Variants in GABRA3 observed in about 807,000 individuals in gnomAD.
GABRA3 encodes the protein gamma-aminobutyric acid receptor subunit alpha-3.
Under a neutral mutation model 30.1 loss-of-function variants are expected in GABRA3, and 10 were observed. The observed-to-expected ratio is 0.33, with a 90% confidence interval of 0.20 to 0.56. GABRA3 has a LOEUF of 0.56. Ranked by LOEUF, GABRA3 falls within the 20% of genes least tolerant of loss-of-function variation. GABRA3 has a pLI of 0.89. For missense variants in GABRA3, 233 were observed against 392.0 expected (o/e 0.59, Z 3.42); for synonymous variants, 151 against 146.8 (o/e 1.03, Z -0.21).
intron 9 of GABRA3, among the ~76,000 whole-genome samples, chrX:152,185,331 A>G (rs1161841535): frequency 9.0e-6 from 1 of 111,503 alleles, no homozygotes; most frequent in Non-Finnish European, 1.9e-5. Context: ...GAGACTAAAG[A>G]GGAAGACTGA....
At chrX:152,348,222 G>A (rs1940420737) in intron 2 of GABRA3, among the ~76,000 whole-genome samples, 1 of 110,512 alleles carries the variant, frequency 9.0e-6, no homozygotes, top group Admixed American at 9.7e-5. Flanking sequence ...AGGTAGTTTG[G>A]GGAAAAAAGG....
intron 3 of GABRA3, among the ~76,000 whole-genome samples, chrX:152,298,342 T>C (rs964919926): frequency 1.8e-5 from 2 of 110,258 alleles, no homozygotes; most frequent in African/African-American, 6.7e-5. Context: ...GTCATTTACA[T>C]TAGGTATATC....
At chrX:152,439,848 C>A (rs1343367154) in intron 1 of GABRA3, among the ~76,000 whole-genome samples, 1 of 111,885 alleles carries the variant, frequency 8.9e-6, no homozygotes, top group African/African-American at 3.2e-5. Flanking sequence ...CCAAATGTTT[C>A]CATTGATGTG....
chrX:152,182,903 T>C (rs975303371), intron 9 of GABRA3, among the ~76,000 whole-genome samples: 2 of 99,878 alleles, frequency 2.0e-5, no homozygotes, highest in African/African-American at 3.6e-5. Context: ...TGTATACATA[T>C]ATACTTTAAG....
rs140627770 is a variant in GABRA3, at chrX:152,183,345, A to T, written c.1143+6385T>A. ...TTCTAGATTATCAGTTTGTTGGCAT[A>T]CAATTGTTTATAGTAATCTGTTATG... is the stretch of plus-strand genomic sequence containing the variant. On this transcript the variant is annotated intron_variant, in intron 9 of 9. Transcript: ENST00000370314. 1.7e-3 allele frequency among the ~76,000 whole-genome samples: 193 copies of T among 110,891 alleles called. 1 individual carries two copies. The East Asian group carries it at 0.023, about 13-fold the overall frequency.
intron 3 of GABRA3, among the ~76,000 whole-genome samples, chrX:152,330,407 T>G (rs1489913029): frequency 8.9e-6 from 1 of 112,158 alleles, no homozygotes; most frequent in East Asian, 2.8e-4. Context: ...TACATATGTT[T>G]ATTGTGGCAC....
chrX:152,272,345 C>G (rs1938958315), intron 4 of GABRA3, among the ~76,000 whole-genome samples: 1 of 112,524 alleles, frequency 8.9e-6, no homozygotes, highest in Non-Finnish European at 1.9e-5. Context: ...CATTTTGGAA[C>G]TTGAAGATTT....
chrX:152,186,629 C>CT (rs1387975799), intron 9 of GABRA3, among the ~76,000 whole-genome samples: 4 of 103,278 alleles, frequency 3.9e-5, no homozygotes, highest in African/African-American at 1.1e-4. Context: ...TCTCTCTCTT[C>CT]TTTTTTTTAT....
At chrX:152,227,382 T>TC in intron 5 of GABRA3, among the ~76,000 whole-genome samples, 1 of 38,070 alleles carries the variant, frequency 2.6e-5, no homozygotes, top group African/African-American at 1.1e-4. Context: ...GGGACTGTTG[T>TC]GGGGTGGGGG....
At chrX:152,178,122 A>G (rs1024443748) in intron 9 of GABRA3, among the ~76,000 whole-genome samples, 1 of 111,687 alleles carries the variant, frequency 9.0e-6, no homozygotes, top group Non-Finnish European at 1.9e-5. Flanking sequence ...CTCTGTCTGT[A>G]TATGTGTGTA....
chrX:152,313,150 A>C (rs1469985393), intron 3 of GABRA3, among the ~76,000 whole-genome samples: 2 of 112,114 alleles, frequency 1.8e-5, no homozygotes, highest in African/African-American at 6.5e-5. Context: ...AATTCTGAAA[A>C]AAATATGGAT....
intron 3 of GABRA3, among the ~76,000 whole-genome samples, chrX:152,335,251 A>G (rs1940217008): frequency 9.0e-6 from 1 of 111,575 alleles, no homozygotes; most frequent in Non-Finnish European, 1.9e-5. Flanking sequence ...GTCGTTCCTC[A>G]GAGAAAAGTG....
At chrX:152,236,550 G>C (rs1213222218) in intron 5 of GABRA3, among the ~76,000 whole-genome samples, 1 of 97,883 alleles carries the variant, frequency 1.0e-5, no homozygotes, top group Non-Finnish European at 2.1e-5. Flanking sequence ...TCCAGTTCTA[G>C]ATCCCTGAGG....
chrX:152,208,320 A>C (rs1039747081), intron 6 of GABRA3, among the ~76,000 whole-genome samples, 176 bp from the exon 7 acceptor site: 1 of 112,268 alleles, frequency 8.9e-6, no homozygotes, highest in Non-Finnish European at 1.9e-5. Flanking sequence ...TCCATACAAT[A>C]AACTCTCATT....
intron 4 of GABRA3, among the ~76,000 whole-genome samples, chrX:152,259,977 C>A (rs1938701096): frequency 9.0e-6 from 1 of 110,810 alleles, no homozygotes; most frequent in Non-Finnish European, 1.9e-5. Flanking sequence ...GACAGCATTT[C>A]TGGACCTGCC....
intron 9 of GABRA3, among the ~76,000 whole-genome samples, chrX:152,175,541 A>C (rs1480102315): frequency 8.9e-6 from 1 of 111,948 alleles, no homozygotes; most frequent in Non-Finnish European, 1.9e-5. Context: ...AAAAAAATGC[A>C]TAAAGCAATG....
chrX:152,237,177 G>A (rs948262937), intron 5 of GABRA3, among the ~76,000 whole-genome samples: 3 of 111,394 alleles, frequency 2.7e-5, no homozygotes, highest in African/African-American at 9.8e-5. Flanking sequence ...TTTGTCTAAG[G>A]TGTAAGGAAG....
At chrX:152,197,110 A>T (rs1937398954) in intron 8 of GABRA3, among the ~76,000 whole-genome samples, 1 of 112,459 alleles carries the variant, frequency 8.9e-6, no homozygotes, top group Admixed American at 9.4e-5. Context: ...CTTCCTAGAC[A>T]TCAGTATACT....
intron 1 of GABRA3, among the ~76,000 whole-genome samples, chrX:152,385,217 T>C (rs1416591078): frequency 9.0e-6 from 1 of 111,603 alleles, no homozygotes; most frequent in Admixed American, 9.5e-5. Flanking sequence ...AGACTATAAA[T>C]TTGATGATAC....
Sources: gnomAD v4.1 joint callset for allele counts (sites outside exome capture counted in the v4.1 genomes callset) on GRCh38, gnomAD v4.1.1 for gene constraint, MANE v1.5 for transcripts, NCBI Gene and HGNC (gene_info 2026-07-23, HGNC 2026-07-21) for gene names.